The following TLK1 variants were observed in gnomAD, a reference collection of about 807,000 sequenced individuals.
TLK1 encodes the protein serine/threonine-protein kinase tousled-like 1.
TLK1 carries 24 observed loss-of-function variants against 105.3 expected under a neutral mutation model. That is an observed-to-expected ratio of 0.23 (90% confidence interval 0.17 to 0.32). TLK1 has a LOEUF of 0.32. TLK1 is among the 10% of genes least tolerant of loss of function. The pLI, the probability that TLK1 is intolerant of heterozygous loss-of-function variation, is 1.00. For synonymous variants in TLK1, 321 were observed against 310.4 expected (o/e 1.03, Z -0.36); for missense variants, 558 against 910.5 (o/e 0.61, Z 4.98).
At chr2:171,077,565 T>G (rs1688567889) in intron 3 of TLK1, among the ~76,000 whole-genome samples, 2 of 152,240 alleles carry the variant, frequency 1.3e-5, no homozygotes. Context: ...CTACTAAAAT[T>G]AAGTCTAAGT....
chr2:171,165,333 T>C (rs1692587339), upstream of TLK1, among the ~76,000 whole-genome samples: 1 of 152,202 alleles, frequency 6.6e-6, no homozygotes, highest in Admixed American at 6.5e-5. Flanking sequence ...TGACGATCAA[T>C]GAGCTGGGTT....
intron 1 of TLK1, among the ~76,000 whole-genome samples, chr2:171,175,976 G>T (rs1050736553): frequency 1.3e-5 from 2 of 151,470 alleles, no homozygotes; most frequent in African/African-American, 4.9e-5. Context: ...CACTCTTGTT[G>T]CCCAGGCTAG....
intron 1 of TLK1, among the ~76,000 whole-genome samples, chr2:171,193,647 C>T (rs573232800): frequency 6.6e-6 from 1 of 150,670 alleles, no homozygotes; most frequent in East Asian, 2.0e-4. Context: ...GTGATCCGCC[C>T]GCCTCAGCCT....
At position 171,061,544 on chromosome 2, in the gene TLK1, C is replaced by A. The variant is rs573466609; in HGVS notation, c.331-388G>T. Among the ~76,000 whole-genome samples the A allele has an allele frequency of 6.6e-5, 10 of 152,282 alleles. No individual in the cohort carries two copies. The East Asian group carries it at 1.9e-3, about 29-fold the overall frequency. On this transcript the variant is annotated intron_variant, in intron 3 of 20. Transcript: ENST00000431350. ...TTTCCTTAGTTTCCTACTACTCAAA[C>A]ATACTTAGTGTATAAAAGTAAACTT...
intron 2 of TLK1, among the ~76,000 whole-genome samples, chr2:171,112,656 A>G (rs1690231378): frequency 6.6e-6 from 1 of 152,234 alleles, no homozygotes. Context: ...TTGGAAGATA[A>G]TTATTTCCCT....
intron 1 of TLK1, among the ~76,000 whole-genome samples, chr2:171,168,913 T>C (rs1392657066): frequency 6.6e-6 from 1 of 152,076 alleles, no homozygotes; most frequent in East Asian, 1.9e-4. Flanking sequence ...AAACCTCGTC[T>C]CTGCAACAAA....
chr2:171,070,101 T>A (rs1440839976), intron 3 of TLK1, among the ~76,000 whole-genome samples: 1 of 152,086 alleles, frequency 6.6e-6, no homozygotes, highest in East Asian at 1.9e-4. Flanking sequence ...TTTAAAAAAA[T>A]ATCTTCACTC....
intron 1 of TLK1, among the ~76,000 whole-genome samples, chr2:171,167,316 C>T (rs1392848285): frequency 6.6e-6 from 1 of 152,100 alleles, no homozygotes; most frequent in African/African-American, 2.4e-5. Flanking sequence ...TCAACAAGGC[C>T]TCCTCTGCCT....
At chr2:171,191,340 G>A (rs1475977836) in intron 1 of TLK1, among the ~76,000 whole-genome samples, 1 of 151,860 alleles carries the variant, frequency 6.6e-6, no homozygotes, top group Non-Finnish European at 1.5e-5. Context: ...AGGCCAAGGT[G>A]GAAGTTTCAC....
intron 1 of TLK1, among the ~76,000 whole-genome samples, chr2:171,138,528 T>G (rs901805796): frequency 6.6e-6 from 1 of 152,136 alleles, no homozygotes; most frequent in African/African-American, 2.4e-5. Flanking sequence ...AGAAAATTAG[T>G]CCAAAGAAAT....
intron 11 of TLK1, among the ~76,000 whole-genome samples, chr2:171,029,955 A>G (rs1465773768): frequency 1.3e-5 from 2 of 152,220 alleles, no homozygotes; most frequent in Non-Finnish European, 1.5e-5. Context: ...CATGTTGGCC[A>G]GGCTGGTCTT....
chr2:171,012,768 C>T (rs535301717), intron 13 of TLK1, among the ~76,000 whole-genome samples: 45 of 152,270 alleles, frequency 3.0e-4, no homozygotes, highest in African/African-American at 9.1e-4. Flanking sequence ...TGAGCCACAA[C>T]GCCTGGCCAA....
intron 11 of TLK1, chr2:171,045,842 TCAGA>T (rs1421337501): frequency 2.0e-5 from 4 of 204,712 alleles, no homozygotes; most frequent in Non-Finnish European, 9.6e-6. Context: ...CTTCATTCTC[TCAGA>T]CAAAGGAATG....
Position 171,160,760 on chromosome 2 carries a change from G to T in TLK1, c.-332C>A, listed in dbSNP as rs10188296. 11 of 432,006 alleles carry T rather than the reference G, an allele frequency of 2.5e-5. No homozygotes were observed. Among genetic ancestry groups the T allele is most frequent in the Non-Finnish European group, 4.0e-5 (10 of 249,786 alleles). 26.8% of individuals were successfully genotyped at this position (432,006 alleles called of 1,614,324 possible). On this transcript the variant is annotated 5_prime_UTR_variant, in exon 1 of 21. Coordinates refer to ENST00000431350, the MANE Select transcript of TLK1 (RefSeq NM_012290.5). The surrounding 1 kb of genome is among the most constrained non-coding windows in gnomAD (Gnocchi z 4.4). Reference sequence around the variant, plus strand: ...CGGGGTCGGAGCGCGGGCGGAGCGCGGGCTGCGCCGGCCGAGGACACTTCC... The same window carrying T: ...CGGGGTCGGAGCGCGGGCGGAGCGCTGGCTGCGCCGGCCGAGGACACTTCC...
intron 1 of TLK1, among the ~76,000 whole-genome samples, chr2:171,194,395 C>A (rs566893768): frequency 6.6e-6 from 1 of 152,278 alleles, no homozygotes; most frequent in Admixed American, 6.5e-5. Flanking sequence ...TGTTTTTTCC[C>A]ATACATGAGC....
At chr2:170,998,553 A>G (rs182993193) in intron 18 of TLK1, among the ~76,000 whole-genome samples, 2 of 152,134 alleles carry the variant, frequency 1.3e-5, no homozygotes, top group East Asian at 3.9e-4. Flanking sequence ...CCCAACCCCC[A>G]TAAGCCATCT....
intron 12 of TLK1, among the ~76,000 whole-genome samples, chr2:171,019,537 T>TA (rs1685379547): frequency 6.6e-6 from 1 of 152,220 alleles, no homozygotes; most frequent in South Asian, 2.1e-4. Context: ...TTAAACTTGC[T>TA]AGTTTAAAGT....
At chr2:171,173,016 G>GA (rs958105470) in intron 1 of TLK1, among the ~76,000 whole-genome samples, 26 of 152,038 alleles carry the variant, frequency 1.7e-4, no homozygotes, top group African/African-American at 6.0e-4. Context: ...TCTTTCCTAA[G>GA]AAAAAAATTC....
chr2:171,062,849 T>C (rs1687819116), intron 3 of TLK1, among the ~76,000 whole-genome samples: 1 of 152,208 alleles, frequency 6.6e-6, no homozygotes. Flanking sequence ...TATGTTTTCA[T>C]TTCACAAACC....
Sources: gnomAD v4.1 joint callset for allele counts (sites outside exome capture counted in the v4.1 genomes callset) on GRCh38, gnomAD v4.1.1 for gene constraint, Gnocchi (gnomAD v3.1) non-coding constraint, MANE v1.5 for transcripts, NCBI Gene and HGNC (gene_info 2026-07-23, HGNC 2026-07-21) for gene names.